Variants in MYRIP observed in about 807,000 individuals in gnomAD.
The protein encoded by MYRIP is myosin VIIA and Rab interacting protein, also known as rab effector MyRIP.
MYRIP carries 49 observed loss-of-function variants against 98.0 expected under a neutral mutation model. The observed-to-expected ratio is 0.50, with a 90% confidence interval of 0.40 to 0.63. The LOEUF is 0.63. Ranked by LOEUF, MYRIP falls within the 30% of genes least tolerant of loss-of-function variation. The pLI, the probability that MYRIP is intolerant of heterozygous loss-of-function variation, is 0.00. For missense variants in MYRIP, 1,004 were observed against 1,058.2 expected, an observed-to-expected ratio of 0.95 and a Z score of 0.71; for synonymous variants, 404 against 409.5, an observed-to-expected ratio of 0.99 and a Z score of 0.16.
At chr3:39,905,579 G>A (rs1468562803) in intron 2 of MYRIP, among the ~76,000 whole-genome samples, 7 of 152,120 alleles carry the variant, frequency 4.6e-5, no homozygotes, top group Admixed American at 2.6e-4. Context: ...TAGTGTCCCT[G>A]TCTTTACCTC....
intron 1 of MYRIP, among the ~76,000 whole-genome samples, chr3:39,888,517 C>T (rs141297327): frequency 0.04 from 6,045 of 152,170 alleles, 293 homozygotes; most frequent in East Asian, 0.13. Context: ...ATACCTTATA[C>T]CAAAATCAAT....
intron 1 of MYRIP, among the ~76,000 whole-genome samples, chr3:39,875,026 A>G (rs1559504696): frequency 6.6e-6 from 1 of 152,064 alleles, no homozygotes; most frequent in Admixed American, 6.5e-5. Context: ...GGATACTGTT[A>G]TTGGTCTATT....
chr3:40,029,069 A>G (rs550766459), intron 2 of MYRIP, among the ~76,000 whole-genome samples: 4 of 152,200 alleles, frequency 2.6e-5, no homozygotes, highest in African/African-American at 7.2e-5. Context: ...ATGATCCCCA[A>G]ATAATTTTCT....
chr3:39,956,333 A>C (rs1461734096), intron 2 of MYRIP, among the ~76,000 whole-genome samples: 1 of 152,240 alleles, frequency 6.6e-6, no homozygotes, highest in African/African-American at 2.4e-5. Context: ...ACTGTGTCTC[A>C]GACCACAGTG....
At chr3:39,846,612 C>G (rs986397760) in intron 1 of MYRIP, among the ~76,000 whole-genome samples, 2 of 152,156 alleles carry the variant, frequency 1.3e-5, no homozygotes, top group Non-Finnish European at 2.9e-5. Flanking sequence ...TATAGCAAAA[C>G]AAAAACTGTG....
rs145458813 is a variant in MYRIP, at chr3:40,244,512, C to T, written c.2167C>T (p.Arg723Cys). The T allele has an allele frequency of 5.0e-5, 80 of 1,613,908 alleles. No homozygotes were observed. Among genetic ancestry groups the T allele is most frequent in the Admixed American group, 6.7e-5 (4 of 60,014 alleles). Residue 723 changes from arginine to cysteine, a missense_variant, in exon 13 of 17, where the codon CGC (arginine) becomes TGC (cysteine). This residue lies in a region of MYRIP where 880 missense variants were observed against 907.7 expected (regional missense o/e 0.97). Transcript: ENST00000302541. ...TQLTELEDAA[R>C]CIHSGTDETH... ...GCTGACTGAGCTAGAAGATGCCGCC[C>T]GCTGCATCCACAGTGGCACTGATGA...
intron 8 of MYRIP, among the ~76,000 whole-genome samples, chr3:40,171,236 G>C (rs1327572999): frequency 1.3e-5 from 2 of 152,028 alleles, no homozygotes; most frequent in South Asian, 2.1e-4. Context: ...CACGGGTAAG[G>C]CTGGTAAAAA....
intron 1 of MYRIP, among the ~76,000 whole-genome samples, chr3:39,873,863 T>C (rs1294443127): frequency 1.3e-5 from 2 of 152,048 alleles, no homozygotes; most frequent in Non-Finnish European, 2.9e-5. Context: ...TAGTTTTTTC[T>C]AATTCTGTGA....
intron 3 of MYRIP, among the ~76,000 whole-genome samples, chr3:40,105,602 A>C (rs1949037186): frequency 6.6e-6 from 1 of 152,216 alleles, no homozygotes; most frequent in Non-Finnish European, 1.5e-5. Context: ...GTACTGTATT[A>C]GTCCATTCTC....
At chr3:40,224,558 A>G (rs1437909939) in intron 11 of MYRIP, among the ~76,000 whole-genome samples, 1 of 152,190 alleles carries the variant, frequency 6.6e-6, no homozygotes, top group African/African-American at 2.4e-5. Flanking sequence ...CCAGGCCCTG[A>G]TATGGCCAAC....
chr3:39,963,198 A>T (rs1224991139), intron 2 of MYRIP, among the ~76,000 whole-genome samples: 10 of 152,100 alleles, frequency 6.6e-5, no homozygotes. Flanking sequence ...GGCAATGCTT[A>T]CCTGATTTGG....
intron 12 of MYRIP, among the ~76,000 whole-genome samples, 167 bp from the exon 13 acceptor site, chr3:40,244,277 TCA>T (rs1448770965): frequency 1.3e-5 from 2 of 152,218 alleles, no homozygotes; most frequent in Non-Finnish European, 2.9e-5. Flanking sequence ...TGTCAAGACC[TCA>T]CACATTTAAG....
At chr3:40,230,438 T>C (rs1952620075) in intron 11 of MYRIP, among the ~76,000 whole-genome samples, 1 of 152,252 alleles carries the variant, frequency 6.6e-6, no homozygotes, top group African/African-American at 2.4e-5. Context: ...AACATAGTTG[T>C]AGGAGGTGCT....
chr3:39,871,605 A>G (rs1942791119), intron 1 of MYRIP, among the ~76,000 whole-genome samples: 1 of 152,126 alleles, frequency 6.6e-6, no homozygotes, highest in African/African-American at 2.4e-5. Flanking sequence ...AAAATATAGT[A>G]ACTATAAAAG....
At chr3:39,904,990 T>C (rs1228220155) in intron 2 of MYRIP, among the ~76,000 whole-genome samples, 5 of 152,024 alleles carry the variant, frequency 3.3e-5, no homozygotes, top group Admixed American at 1.3e-4. Context: ...ACAAATTCAG[T>C]AGAGTAAGTG....
At chr3:40,248,760 C>G (rs1404197008) in intron 13 of MYRIP, among the ~76,000 whole-genome samples, 1 of 152,194 alleles carries the variant, frequency 6.6e-6, no homozygotes, top group Non-Finnish European at 1.5e-5. Flanking sequence ...GCTTAGCCTG[C>G]AACTTTTCTC....
At position 40,167,219 on chromosome 3, in the gene MYRIP, G is replaced by C. The variant is rs1207090319; in HGVS notation, c.709G>C (p.Ala237Pro). ...CAAGGAGGAGCTAACTGAGGAACTG[G>C]CCACGACAATCCTGCAGAAGGTAGG... ...DHKEELTEEL[A>P]TTILQKIIRK... Residue 237 changes from alanine to proline, a missense_variant, in exon 7 of 17, where the codon GCC becomes CCC. Physicochemically the swap from Ala to Pro is conservative, Grantham distance 27. Coordinates refer to ENST00000302541, the MANE Select transcript of MYRIP (RefSeq NM_015460.4). The C allele has an allele frequency of 6.2e-7, 1 of 1,614,194 alleles. No homozygotes were observed. Among genetic ancestry groups the C allele is most frequent in the Non-Finnish European group, 8.5e-7 (1 of 1,180,034 alleles).
rs1953121625 is a variant in MYRIP at position 40,244,478 on chromosome 3, G to A, written c.2133G>A (p.Leu711=). ...VYLAAGTVYG[L]ETQLTELEDA... is the part of the protein sequence containing the mutation. ...TGGCAGCAGGCACTGTGTATGGACT[G>A]GAGACCCAGCTGACTGAGCTAGAAG... Residue 711 remains leucine (L), a synonymous_variant, in exon 13 of 17, where the codon CTG becomes CTA. Coordinates refer to ENST00000302541, the MANE Select transcript of MYRIP (RefSeq NM_015460.4). 1 of 1,613,738 alleles carries A rather than the reference G, an allele frequency of 6.2e-7. No homozygotes were observed. Among genetic ancestry groups the A allele is most frequent in the African/African-American group, 1.3e-5 (1 of 74,910 alleles).
intron 1 of MYRIP, among the ~76,000 whole-genome samples, chr3:39,862,396 T>C (rs970908155): frequency 6.6e-6 from 1 of 152,188 alleles, no homozygotes; most frequent in African/African-American, 2.4e-5. Flanking sequence ...CTTAAATGCA[T>C]AGACCAGTCA....
Sources: allele counts gnomAD v4.1 joint callset (sites outside exome capture counted in the v4.1 genomes callset), GRCh38; gene constraint gnomAD v4.1.1; regional missense constraint gnomAD v4.1.1; transcripts MANE v1.5; gene names NCBI Gene and HGNC (gene_info 2026-07-23, HGNC 2026-07-21).